The following PTPRD variants were observed in gnomAD, a reference collection of about 807,000 sequenced individuals.
PTPRD encodes the protein receptor-type tyrosine-protein phosphatase delta.
In PTPRD, 34 loss-of-function variants were observed where a neutral mutation model predicts 214.5. The ratio of observed to expected loss-of-function variants is 0.16; its 90% CI spans 0.12 to 0.21. The LOEUF is 0.21. Among genes scored for constraint, PTPRD ranks in the 10% least tolerant of loss-of-function variants. The pLI is 1.00. For missense variants in PTPRD, 2,545 were observed against 2,398.7 expected (o/e 1.06, Z -1.27); for synonymous variants, 1,128 against 845.7 (o/e 1.33, Z -5.79).
At chr9:9,237,411 C>G (rs891291219) in intron 9 of PTPRD, among the ~76,000 whole-genome samples, 1 of 152,106 alleles carries the variant, frequency 6.6e-6, no homozygotes, top group African/African-American at 2.4e-5. Flanking sequence ...GCCTGGGTGA[C>G]AGAGTGAGAC....
At chr9:9,820,395 G>A (rs951882289) in intron 5 of PTPRD, among the ~76,000 whole-genome samples, 6 of 152,000 alleles carry the variant, frequency 3.9e-5, no homozygotes, top group Non-Finnish European at 1.5e-5. Flanking sequence ...GCCTTTGTTG[G>A]ATGCATGGGT....
rs541534087 is a variant in PTPRD at position 10,263,661 on chromosome 9, C to T, written c.-545+77302G>A. 2.0e-5 allele frequency among the ~76,000 whole-genome samples: 3 copies of T among 152,262 alleles called. No homozygotes were observed. The South Asian group carries it at 6.2e-4, about 32-fold the overall frequency. On this transcript the variant is annotated intron_variant, in intron 3 of 45. Transcript: ENST00000381196. The stretch of plus-strand genomic sequence containing the variant: ...AAAAAATAAGAGTTTGGAAAATTTG[C>T]AGCCTGACAATGCAATAGACAAGCA...
At chr9:10,205,687 G>A (rs914652219) in intron 3 of PTPRD, among the ~76,000 whole-genome samples, 3 of 152,132 alleles carry the variant, frequency 2.0e-5, no homozygotes, top group Non-Finnish European at 2.9e-5. Context: ...TTACAGGCAT[G>A]AGCCACCATG....
At chr9:8,597,482 AAAC>A (rs1345909429) in intron 14 of PTPRD, among the ~76,000 whole-genome samples, 1 of 151,740 alleles carries the variant, frequency 6.6e-6, no homozygotes, top group Non-Finnish European at 1.5e-5. Flanking sequence ...GCATTTATAC[AAAC>A]AATAAAAGCA....
At chr9:8,729,070 C>T (rs2098625302) in intron 12 of PTPRD, among the ~76,000 whole-genome samples, 1 of 152,198 alleles carries the variant, frequency 6.6e-6, no homozygotes, top group African/African-American at 2.4e-5. Context: ...TCACCCCCTA[C>T]CTTCAGCTTT....
chr9:10,148,853 C>T (rs1416901649), intron 3 of PTPRD, among the ~76,000 whole-genome samples: 1 of 152,164 alleles, frequency 6.6e-6, no homozygotes, highest in Non-Finnish European at 1.5e-5. Flanking sequence ...CTATCTCAGA[C>T]ACATTTTAAA....
intron 5 of PTPRD, among the ~76,000 whole-genome samples, chr9:9,886,269 T>A (rs1306028519): frequency 6.6e-6 from 1 of 152,098 alleles, no homozygotes; most frequent in East Asian, 1.9e-4. Flanking sequence ...GGGTCTCCTG[T>A]TTTATATGTT....
chr9:8,869,161 T>C (rs2098250672), intron 11 of PTPRD, among the ~76,000 whole-genome samples: 1 of 152,164 alleles, frequency 6.6e-6, no homozygotes, highest in African/African-American at 2.4e-5. Context: ...CTTTGTGTTA[T>C]TTTCAGAATT....
intron 10 of PTPRD, among the ~76,000 whole-genome samples, chr9:9,055,100 C>T (rs1160174383): frequency 1.3e-5 from 2 of 152,184 alleles, no homozygotes; most frequent in Non-Finnish European, 2.9e-5. Context: ...TGGCAATATC[C>T]AGTAAAACTG....
At chr9:9,201,690 A>C (rs1318214698) in intron 9 of PTPRD, among the ~76,000 whole-genome samples, 1 of 152,228 alleles carries the variant, frequency 6.6e-6, no homozygotes, top group African/African-American at 2.4e-5. Flanking sequence ...TTCTCAATGC[A>C]TTTAAAAGGT....
chr9:9,844,267 A>G (rs1288873738), intron 5 of PTPRD, among the ~76,000 whole-genome samples: 2 of 152,070 alleles, frequency 1.3e-5, no homozygotes, highest in Admixed American at 6.6e-5. Flanking sequence ...TAATTATCAC[A>G]AACACATCCA....
intron 7 of PTPRD, among the ~76,000 whole-genome samples, chr9:9,579,075 T>C (rs2089952391): frequency 6.6e-6 from 1 of 152,168 alleles, no homozygotes; most frequent in Non-Finnish European, 1.5e-5. Flanking sequence ...AGTCATTACA[T>C]CTCTATATGA....
At chr9:9,994,193 G>A (rs537586413) in intron 4 of PTPRD, among the ~76,000 whole-genome samples, 1 of 152,140 alleles carries the variant, frequency 6.6e-6, no homozygotes, top group South Asian at 2.1e-4. Context: ...GCTCTAGCAG[G>A]GATTTGGGAT....
chr9:8,604,220 A>C (rs1026030494), intron 14 of PTPRD, among the ~76,000 whole-genome samples: 3 of 152,190 alleles, frequency 2.0e-5, no homozygotes, highest in African/African-American at 7.2e-5. Flanking sequence ...AGTAAAACAC[A>C]ATGCTTTAAG....
At position 8,486,300 on chromosome 9, in the gene PTPRD, A is replaced by G. The variant is rs759539073; in HGVS notation, c.2517T>C (p.Ala839=). The G allele has an allele frequency of 1.3e-5, 21 of 1,614,182 alleles. No individual in the cohort carries two copies. The highest frequency in any genetic ancestry group is 1.7e-5 in the Non-Finnish European group (20 of 1,180,014). Residue 839 remains alanine, a synonymous_variant, in exon 28 of 46, where the codon GCT becomes GCC. Coordinates refer to ENST00000381196, the MANE Select transcript of PTPRD (RefSeq NM_002839.4). ...LVINHTQMNT[A]LIQWHPPVDT... ...CCACCGGAGGGTGCCACTGAATAAG[A>G]GCAGTATTCATCTGAGTGTGGTTAA...
At chr9:9,561,824 G>T (rs1348767757) in intron 8 of PTPRD, among the ~76,000 whole-genome samples, 3 of 152,060 alleles carry the variant, frequency 2.0e-5, no homozygotes, top group Non-Finnish European at 4.4e-5. Context: ...TCTCTCATTT[G>T]TTGGTTCCTT....
intron 10 of PTPRD, among the ~76,000 whole-genome samples, chr9:9,050,515 C>A (rs965707702): frequency 6.6e-6 from 1 of 152,166 alleles, no homozygotes; most frequent in Non-Finnish European, 1.5e-5. Context: ...TGAGGTTTCA[C>A]TTACTGTGGC....
chr9:9,158,236 A>C (rs1358112200), intron 10 of PTPRD, among the ~76,000 whole-genome samples: 1 of 152,152 alleles, frequency 6.6e-6, no homozygotes, highest in Non-Finnish European at 1.5e-5. Flanking sequence ...ATATACCTGT[A>C]GTGGGATTGC....
intron 3 of PTPRD, among the ~76,000 whole-genome samples, chr9:10,193,783 A>G (rs1390146324): frequency 8.5e-5 from 13 of 152,214 alleles, no homozygotes; most frequent in Admixed American, 8.5e-4. Flanking sequence ...AGATACAAAA[A>G]GTAATATATC....
Sources: gnomAD v4.1 joint callset for allele counts (sites outside exome capture counted in the v4.1 genomes callset) on GRCh38, gnomAD v4.1.1 for gene constraint, MANE v1.5 for transcripts, NCBI Gene and HGNC (gene_info 2026-07-23, HGNC 2026-07-21) for gene names.